GRM7: variants seen among roughly 807,000 people sequenced by gnomAD.
GRM7 encodes the protein glutamate metabotropic receptor 7.
In GRM7, 35 loss-of-function variants were observed where a neutral mutation model predicts 84.5. The ratio of observed to expected loss-of-function variants is 0.41; its 90% CI spans 0.32 to 0.55. GRM7 has a LOEUF of 0.55. Among genes scored for constraint, GRM7 ranks in the 20% least tolerant of loss-of-function variants. The pLI, the probability that GRM7 is intolerant of heterozygous loss-of-function variation, is 0.19. For synonymous variants in GRM7, 487 were observed against 455.1 expected, an observed-to-expected ratio of 1.07 and a Z score of -0.89; for missense variants, 1,003 against 1,194.6, an observed-to-expected ratio of 0.84 and a Z score of 2.36.
intron 9 of GRM7, among the ~76,000 whole-genome samples, chr3:7,723,653 A>C (rs765444791): frequency 2.6e-5 from 4 of 152,042 alleles, no homozygotes; most frequent in Non-Finnish European, 5.9e-5. Context: ...TTTCAACACG[A>C]GCCTCGGTAA....
intron 2 of GRM7, among the ~76,000 whole-genome samples, chr3:7,166,911 A>G (rs1024556608): frequency 5.9e-5 from 9 of 152,190 alleles, no homozygotes; most frequent in African/African-American, 2.2e-4. Context: ...TTTAAATACA[A>G]TGTCTTGTAA....
intron 2 of GRM7, among the ~76,000 whole-genome samples, chr3:7,217,413 C>T (rs1359535086): frequency 6.6e-6 from 1 of 152,132 alleles, no homozygotes; most frequent in South Asian, 2.1e-4. Context: ...GGTTCAGAGT[C>T]TCACTACGGA....
At chr3:7,689,630 C>A (rs1240584074) in intron 9 of GRM7, among the ~76,000 whole-genome samples, 1 of 152,164 alleles carries the variant, frequency 6.6e-6, no homozygotes, top group East Asian at 1.9e-4. Flanking sequence ...GTCTTAAGTT[C>A]AACTTAAAGA....
chr3:7,597,047 TAAAG>T (rs1475273591), intron 8 of GRM7, among the ~76,000 whole-genome samples: 1 of 152,198 alleles, frequency 6.6e-6, no homozygotes, highest in Non-Finnish European at 1.5e-5. Flanking sequence ...TATTCGGCTA[TAAAG>T]AAATACCTGA....
intron 9 of GRM7, chr3:7,691,363 C>T (rs543331338): frequency 1.4e-6 from 1 of 731,538 alleles, no homozygotes; most frequent in East Asian, 6.8e-5. Context: ...TATAACCTGG[C>T]ATGTGCTATC....
intron 4 of GRM7, among the ~76,000 whole-genome samples, chr3:7,365,651 A>AACTT: frequency 1.4e-5 from 2 of 144,434 alleles, no homozygotes; most frequent in South Asian, 4.4e-4. Context: ...GTGTGTGTAT[A>AACTT]TATATATATA....
At chr3:6,868,715 T>C (rs1021932456) in intron 1 of GRM7, among the ~76,000 whole-genome samples, 14 of 152,176 alleles carry the variant, frequency 9.2e-5, no homozygotes, top group African/African-American at 3.4e-4. Context: ...ACTGTTTTAA[T>C]ACAATTGCTG....
intron 1 of GRM7, among the ~76,000 whole-genome samples, chr3:6,902,798 G>A (rs1270922454): frequency 6.7e-6 from 1 of 150,176 alleles, no homozygotes; most frequent in Non-Finnish European, 1.5e-5. Flanking sequence ...GTGTAGTAAG[G>A]TATAGTATGT....
intron 4 of GRM7, among the ~76,000 whole-genome samples, chr3:7,365,337 TTCTC>T (rs2125110094): frequency 6.6e-6 from 1 of 151,798 alleles, no homozygotes; most frequent in African/African-American, 2.4e-5. Context: ...ACTCACACTC[TTCTC>T]TCTCATCTGT....
At position 7,740,244 on chromosome 3, in the gene GRM7, G is replaced by C. The variant is rs551711791; in HGVS notation, c.2699-113G>C. ...CAAAGTTGTCTGTGTGTGTTCTTCA[G>C]AGCTGTATCACCTCACTTTGACTTT... On this transcript the variant is annotated intron_variant, in intron 9 of 9. Coordinates refer to ENST00000357716, the MANE Select transcript of GRM7 (RefSeq NM_000844.4). 17 of 683,166 alleles carry C rather than the reference G, an allele frequency of 2.5e-5. No homozygotes were observed. The African/African-American group carries it at 3.0e-4, about 12-fold the overall frequency. The allele number at this position is 683,166 out of a possible 1,614,324, so 42.3% of individuals were successfully genotyped here.
chr3:7,201,601 G>A (rs1301515607), intron 2 of GRM7, among the ~76,000 whole-genome samples: 2 of 152,116 alleles, frequency 1.3e-5, no homozygotes, highest in Non-Finnish European at 2.9e-5. Flanking sequence ...TATGTACCAG[G>A]TATTATGTAA....
intron 1 of GRM7, among the ~76,000 whole-genome samples, chr3:7,141,179 T>A (rs144624112): frequency 1.3e-3 from 200 of 152,126 alleles, no homozygotes; most frequent in African/African-American, 4.5e-3. Flanking sequence ...TGAATCATTA[T>A]AACTTGCTTA....
At chr3:7,092,650 G>T (rs1285278606) in intron 1 of GRM7, among the ~76,000 whole-genome samples, 2 of 152,030 alleles carry the variant, frequency 1.3e-5, no homozygotes, top group Non-Finnish European at 2.9e-5. Flanking sequence ...TGAAGCAGTA[G>T]AGGGCTCCGG....
chr3:6,980,849 A>G (rs548847566), intron 1 of GRM7, among the ~76,000 whole-genome samples: 1 of 152,354 alleles, frequency 6.6e-6, no homozygotes, highest in Admixed American at 6.5e-5. Context: ...GTGCGAAGCT[A>G]GAGAAATAGG....
chr3:6,876,705 G>A lies in GRM7; in HGVS notation c.519+14798G>A, dbSNP rs756846498. Among the ~76,000 whole-genome samples, 11 of 149,704 alleles carry A rather than the reference G, an allele frequency of 7.3e-5. No homozygotes were observed. In the South Asian group the frequency reaches 8.5e-4, roughly 12 times the overall value. ...CAACCTCCGCCTCCTGGGTTCAGAC[G>A]ATTCTCTTGCCTCAGCCACTGGAGA... On this transcript the variant is annotated intron_variant, in intron 1 of 9. Transcript: ENST00000357716.
At chr3:7,349,616 G>C (rs9866131) in intron 4 of GRM7, among the ~76,000 whole-genome samples, 21,018 of 152,150 alleles carry the variant, frequency 0.14, 1,901 homozygotes, top group African/African-American at 0.26. Flanking sequence ...ATGACTGGGC[G>C]CAGCCCCTGG....
chr3:7,632,446 T>A (rs1697900475), intron 8 of GRM7, among the ~76,000 whole-genome samples: 1 of 152,130 alleles, frequency 6.6e-6, no homozygotes. Context: ...ATGGGGAAAT[T>A]AATGTGCAGG....
At chr3:6,981,998 A>T (rs116096754) in intron 1 of GRM7, among the ~76,000 whole-genome samples, 211 of 152,300 alleles carry the variant, frequency 1.4e-3, no homozygotes, top group Middle Eastern at 6.8e-3. Flanking sequence ...ATGCACTCGT[A>T]TGCCCATCCC....
chr3:7,237,828 C>T (rs910129320), intron 2 of GRM7, among the ~76,000 whole-genome samples: 110 of 152,122 alleles, frequency 7.2e-4, no homozygotes, highest in African/African-American at 2.4e-3. Context: ...CATTTTGCAG[C>T]GTAACGATTG....
Sources: allele counts gnomAD v4.1 joint callset (sites outside exome capture counted in the v4.1 genomes callset), GRCh38; gene constraint gnomAD v4.1.1; transcripts MANE v1.5; gene names NCBI Gene and HGNC (gene_info 2026-07-23, HGNC 2026-07-21).